Variants in CTDSPL observed in about 807,000 individuals in gnomAD.
CTDSPL encodes the protein CTD small phosphatase-like protein.
Under a neutral mutation model 30.5 loss-of-function variants are expected in CTDSPL, and 8 were observed. The ratio of observed to expected loss-of-function variants is 0.26; its 90% CI spans 0.15 to 0.47. The LOEUF (loss-of-function observed/expected upper bound fraction) is 0.47, where lower values mean the gene tolerates loss of function less well. CTDSPL is among the 20% of genes least tolerant of loss of function. The pLI, the probability that CTDSPL is intolerant of heterozygous loss-of-function variation, is 0.99. For missense variants in CTDSPL, 248 were observed against 366.1 expected, an observed-to-expected ratio of 0.68 and a Z score of 2.63; for synonymous variants, 110 against 137.9, an observed-to-expected ratio of 0.80 and a Z score of 1.42.
chr3:37,960,498 AAAAAAAAATATATATAT>A (rs1699226557), intron 3 of CTDSPL, among the ~76,000 whole-genome samples: 1 of 64,194 alleles, frequency 1.6e-5, no homozygotes, highest in African/African-American at 7.1e-5. Flanking sequence ...AAAAAAAAAA[AAAAAAAAATATATATAT>A]ATATATATAT....
chr3:37,879,617 T>G (rs1344634687), intron 1 of CTDSPL, among the ~76,000 whole-genome samples: 1 of 152,198 alleles, frequency 6.6e-6, no homozygotes, highest in Non-Finnish European at 1.5e-5. Context: ...TTTTCCCTCA[T>G]GTACCTGATA....
chr3:37,968,047 A>G, intron 5 of CTDSPL, among the ~76,000 whole-genome samples, 165 bp downstream of exon 5: 1 of 152,324 alleles, frequency 6.6e-6, no homozygotes, highest in East Asian at 1.9e-4. Flanking sequence ...ACTCCAATGA[A>G]TTTATTTTAT....
chr3:37,934,662 G>A (rs1030236462), intron 1 of CTDSPL, among the ~76,000 whole-genome samples: 1 of 152,236 alleles, frequency 6.6e-6, no homozygotes, highest in Non-Finnish European at 1.5e-5. Flanking sequence ...CAAATAGGGG[G>A]TTGGCCATAT....
At chr3:37,871,735 T>A (rs914134114) in intron 1 of CTDSPL, among the ~76,000 whole-genome samples, 7 of 152,096 alleles carry the variant, frequency 4.6e-5, no homozygotes, top group African/African-American at 1.7e-4. Flanking sequence ...CTTCTGAGAC[T>A]ATGATGACAT....
At chr3:37,886,797 A>G (rs770068684) in intron 1 of CTDSPL, among the ~76,000 whole-genome samples, 6 of 152,222 alleles carry the variant, frequency 3.9e-5, no homozygotes, top group Non-Finnish European at 8.8e-5. Context: ...TATCAGATTT[A>G]CCTGGGGAGC....
chr3:37,971,537 T>C (rs1443931409), intron 6 of CTDSPL, 38 bp downstream of exon 6: 1 of 1,578,640 alleles, frequency 6.3e-7, no homozygotes, highest in Admixed American at 1.7e-5. Context: ...CCCAGCCTGG[T>C]ACTCCCAGCC....
intron 4 of CTDSPL, among the ~76,000 whole-genome samples, chr3:37,965,982 C>T (rs1463961047): frequency 1.3e-5 from 2 of 152,164 alleles, no homozygotes; most frequent in African/African-American, 4.8e-5. Context: ...CCATTTCTCC[C>T]CCATGGGCAA....
chr3:37,934,943 C>T (rs1179493122), intron 1 of CTDSPL, among the ~76,000 whole-genome samples: 1 of 151,554 alleles, frequency 6.6e-6, no homozygotes, highest in African/African-American at 2.4e-5. Context: ...CCCTGTACCC[C>T]TGGAGCCTAC....
intron 4 of CTDSPL, among the ~76,000 whole-genome samples, chr3:37,966,190 G>A (rs905415917): frequency 5.9e-5 from 9 of 152,196 alleles, no homozygotes; most frequent in African/African-American, 1.4e-4. Context: ...GCACCTGCTC[G>A]GAGAGCATTG....
chr3:37,934,100 C>T (rs888908467), intron 1 of CTDSPL, among the ~76,000 whole-genome samples: 8 of 152,058 alleles, frequency 5.3e-5, no homozygotes, highest in Admixed American at 1.3e-4. Flanking sequence ...AGTGGGAGTA[C>T]TTCTTGAAGC....
At chr3:37,868,773 C>A (rs1698040883) in intron 1 of CTDSPL, among the ~76,000 whole-genome samples, 1 of 152,038 alleles carries the variant, frequency 6.6e-6, no homozygotes, top group Non-Finnish European at 1.5e-5. Flanking sequence ...ATATGTCCAT[C>A]CCCCTGCCTA....
At chr3:37,943,698 A>G (rs570438451) in intron 1 of CTDSPL, among the ~76,000 whole-genome samples, 4 of 150,236 alleles carry the variant, frequency 2.7e-5, no homozygotes, top group African/African-American at 4.8e-5. Flanking sequence ...GAGACCTCTC[A>G]TGTGTCTTAT....
chr3:37,964,032 T>TAAAAAAAAAAAAAAAAA (rs58061973), intron 3 of CTDSPL, among the ~76,000 whole-genome samples: 2 of 22,964 alleles, frequency 8.7e-5, no homozygotes, highest in Admixed American at 7.5e-4. Context: ...TCTCAGTCAC[T>TAAAAAAAAAAAAAAAAA]AAAAAAAAAA....
intron 3 of CTDSPL, among the ~76,000 whole-genome samples, chr3:37,962,035 G>A (rs1035530469): frequency 1.3e-5 from 2 of 152,192 alleles, no homozygotes; most frequent in African/African-American, 2.4e-5. Flanking sequence ...AATGCTCTTT[G>A]TGTACATTTG....
In CTDSPL at chr3:37,982,243, G is replaced by A. The variant is rs1049280220; in HGVS notation, c.*1376G>A. Reference sequence around the variant, plus strand: ...AAGCACAGCCTATTTCTGAGCCAAGGGTTGGGGAAGCCTGTCTAGATGTGG... The same window carrying A: ...AAGCACAGCCTATTTCTGAGCCAAGAGTTGGGGAAGCCTGTCTAGATGTGG... On this transcript the variant is annotated 3_prime_UTR_variant, in exon 8 of 8. Coordinates refer to ENST00000273179, the MANE Select transcript of CTDSPL (RefSeq NM_001008392.2). The A allele has an allele frequency of 7.3e-5, 23 of 314,966 alleles. No individual in the cohort carries two copies. Among genetic ancestry groups the A allele is most frequent in the South Asian group, 4.5e-4 (17 of 37,446 alleles). The allele number at this position is 314,966 out of a possible 1,614,324, so 19.5% of individuals were successfully genotyped here.
At chr3:37,921,606 ACCAC>A (rs1178639628) in intron 1 of CTDSPL, among the ~76,000 whole-genome samples, 1 of 53,152 alleles carries the variant, frequency 1.9e-5, no homozygotes, top group East Asian at 5.7e-4. Flanking sequence ...AACCCTAACT[ACCAC>A]ACACACACAC....
chr3:37,920,446 T>G (rs1343738269), intron 1 of CTDSPL, among the ~76,000 whole-genome samples: 1 of 152,208 alleles, frequency 6.6e-6, no homozygotes, highest in Non-Finnish European at 1.5e-5. Context: ...CTCCTTTTAA[T>G]TGGCAGCTTT....
At position 37,982,303 on chromosome 3, in the gene CTDSPL, C is replaced by T. The variant is rs1699501310; in HGVS notation, c.*1436C>T. ...CCCCAAACCAGGGAGAGGAAGAGCT[C>T]CCACAGGGAGAGCCCAGGCTCTCTT... On this transcript the variant is annotated 3_prime_UTR_variant, in exon 8 of 8. Coordinates refer to ENST00000273179, the MANE Select transcript of CTDSPL (RefSeq NM_001008392.2). 1 of 334,160 alleles carries T rather than the reference C, an allele frequency of 3.0e-6. No homozygotes were observed. Among genetic ancestry groups the T allele is most frequent in the Non-Finnish European group, 5.9e-6 (1 of 169,586 alleles). 20.7% of individuals were successfully genotyped at this position (334,160 alleles called of 1,614,324 possible).
intron 1 of CTDSPL, among the ~76,000 whole-genome samples, chr3:37,869,379 A>G (rs1368308693): frequency 6.6e-6 from 1 of 152,044 alleles, no homozygotes; most frequent in African/African-American, 2.4e-5. Flanking sequence ...TTAAGCGACT[A>G]TCAATTGTAT....
Sources: gnomAD v4.1 joint callset for allele counts (sites outside exome capture counted in the v4.1 genomes callset) on GRCh38, gnomAD v4.1.1 for gene constraint, MANE v1.5 for transcripts, NCBI Gene and HGNC (gene_info 2026-07-23, HGNC 2026-07-21) for gene names.